ANK2: variants seen among roughly 807,000 people sequenced by gnomAD.
The protein encoded by ANK2 is ankyrin 2.
In ANK2, 83 loss-of-function variants were observed where a neutral mutation model predicts 360.5. The ratio of observed to expected loss-of-function variants is 0.23; its 90% CI spans 0.19 to 0.28. ANK2 has a LOEUF of 0.28. ANK2 is among the 10% of genes least tolerant of loss of function. The pLI, the probability that ANK2 is intolerant of heterozygous loss-of-function variation, is 1.00. For synonymous variants in ANK2, 1,740 were observed against 1,759.5 expected, an observed-to-expected ratio of 0.99 and a Z score of 0.28; for missense variants, 4,201 against 4,795.7, an observed-to-expected ratio of 0.88 and a Z score of 3.66.
At chr4:113,256,288 C>T (rs923125089) in intron 11 of ANK2, among the ~76,000 whole-genome samples, 10 of 151,914 alleles carry the variant, frequency 6.6e-5, no homozygotes, top group Admixed American at 2.0e-4. Flanking sequence ...AGTTAGAACA[C>T]GAGTATGAAA....
chr4:112,747,185 T>A, the ANK2 span, among the ~76,000 whole-genome samples: 1 of 152,204 alleles, frequency 6.6e-6, no homozygotes, highest in African/African-American at 2.4e-5. Flanking sequence ...CTGTGGGGAT[T>A]TTCAAAGTGG....
At chr4:113,098,223 C>A (rs1399900919) in intron 1 of ANK2, among the ~76,000 whole-genome samples, 1 of 151,388 alleles carries the variant, frequency 6.6e-6, no homozygotes, top group Non-Finnish European at 1.5e-5. Context: ...ACAGCAGATA[C>A]AAATGAAATT....
Position 113,356,896 on chromosome 4 carries a change from G to C in ANK2, c.8278G>C (p.Asp2760His). 1 of 1,614,068 alleles carries C rather than the reference G, an allele frequency of 6.2e-7. No individual in the cohort carries two copies. The change falls in exon 38 of 46, where the codon GAT (aspartate) becomes CAT (histidine). Residue 2760 changes from aspartate (D) to histidine (H), a missense_variant. Asp to His is a moderately conservative substitution (Grantham distance 81, BLOSUM62 -1). Around this residue, in one of 4 missense-constraint regions of ANK2, gnomAD observed 2,642 missense variants for 2,714.5 expected, o/e 0.97. Transcript: ENST00000357077. Reference sequence around the variant, plus strand: ...CACTGAGGCTGAAGACAGGTCTTATGATAAGCTAAACAGAGACACTGATCA... The same window carrying C: ...CACTGAGGCTGAAGACAGGTCTTATCATAAGCTAAACAGAGACACTGATCA... ...VSTEAEDRSY[D>H]KLNRDTDQPK...
chr4:112,840,901 TA>T (rs1229262865), intron 1 of ANK2, among the ~76,000 whole-genome samples: 16 of 152,220 alleles, frequency 1.1e-4, no homozygotes, highest in Admixed American at 1.0e-3. Flanking sequence ...CATCATCATT[TA>T]AAATGCAGAA....
intron 2 of ANK2, among the ~76,000 whole-genome samples, chr4:113,179,404 T>G (rs2098334920): frequency 6.6e-6 from 1 of 152,234 alleles, no homozygotes. Flanking sequence ...CAATGTTTTT[T>G]CTTTATAAAA....
chr4:112,840,184 C>T (rs1370219952), intron 1 of ANK2, among the ~76,000 whole-genome samples: 1 of 152,136 alleles, frequency 6.6e-6, no homozygotes, highest in East Asian at 1.9e-4. Flanking sequence ...AGATCAACTG[C>T]ATATTCAGCT....
chr4:113,242,517 T>C (rs2153575423), intron 9 of ANK2, among the ~76,000 whole-genome samples: 1 of 152,294 alleles, frequency 6.6e-6, no homozygotes, highest in East Asian at 1.9e-4. Context: ...TTTTGGGTAG[T>C]TATAAGTATC....
intron 1 of ANK2, among the ~76,000 whole-genome samples, chr4:112,886,504 A>C (rs1005333605): frequency 6.6e-6 from 1 of 152,102 alleles, no homozygotes; most frequent in Non-Finnish European, 1.5e-5. Context: ...TCTATTAAAA[A>C]TACAAAAATC....
intron 1 of ANK2, among the ~76,000 whole-genome samples, chr4:112,893,441 G>A (rs183888797): frequency 1.6e-4 from 25 of 152,230 alleles, no homozygotes; most frequent in African/African-American, 5.1e-4. Context: ...GGAATTACAG[G>A]TGTGAGCCAC....
the ANK2 span, among the ~76,000 whole-genome samples, chr4:112,782,021 G>T: frequency 3.3e-5 from 5 of 151,776 alleles, no homozygotes; most frequent in African/African-American, 1.2e-4. Context: ...GTAGAGACAG[G>T]GTTTCACCAT....
chr4:112,719,844 A>C, the ANK2 span, among the ~76,000 whole-genome samples: 2 of 152,266 alleles, frequency 1.3e-5, no homozygotes, highest in South Asian at 4.1e-4. Flanking sequence ...TTGCAACCTA[A>C]GATAGAAAGG....
At position 113,264,909 on chromosome 4, in the gene ANK2, G is replaced by T. The variant is rs1060501161; in HGVS notation, c.1399G>T (p.Ala467Ser). 4 of 1,564,110 alleles carry T rather than the reference G, an allele frequency of 2.6e-6. No homozygotes were observed. Among genetic ancestry groups the T allele is most frequent in the Non-Finnish European group, 3.5e-6 (4 of 1,153,334 alleles). ...PDVTNIRGET[A>S]LHMAARAGQV... ...TGTTCCCTGGCAGCGTGGTGAGACG[G>T]CACTACACATGGCAGCCCGAGCCGG... Residue 467 changes from alanine to serine, a missense_variant, in exon 14 of 46, where the codon GCA becomes TCA. Ala to Ser is a moderately conservative substitution (Grantham distance 99, BLOSUM62 1). Coordinates refer to ENST00000357077, the MANE Select transcript of ANK2 (RefSeq NM_001148.6).
rs1250256855 is a variant in ANK2, at chr4:113,381,624, A to C, written c.*153A>C. 5 of 1,556,670 alleles carry C rather than the reference A, an allele frequency of 3.2e-6. No homozygotes were observed. The highest frequency in any genetic ancestry group is 4.3e-6 in the Non-Finnish European group (5 of 1,149,890). ...CGGCATTTCTGCAAGGAGGACTTGAAGCAAGAGGCCAAGTGAGGGGCTGCC... is the reference window on the plus strand; with the variant it reads ...CGGCATTTCTGCAAGGAGGACTTGACGCAAGAGGCCAAGTGAGGGGCTGCC... On this transcript the variant is annotated 3_prime_UTR_variant, in exon 46 of 46. Coordinates refer to ENST00000357077, the MANE Select transcript of ANK2 (RefSeq NM_001148.6).
chr4:113,339,097 C>A, intron 31 of ANK2, 129 bp from the exon 32 acceptor site: 1 of 744,860 alleles, frequency 1.3e-6, no homozygotes, highest in Non-Finnish European at 2.3e-6. Flanking sequence ...AGATTTTAGT[C>A]ATTTTGTTTT....
intron 1 of ANK2, among the ~76,000 whole-genome samples, chr4:113,138,124 T>C (rs2096507231): frequency 6.6e-6 from 1 of 152,216 alleles, no homozygotes; most frequent in Non-Finnish European, 1.5e-5. Context: ...TCATAAATAA[T>C]TCTTTATACC....
At chr4:113,194,497 A>G (rs1312774840) in intron 2 of ANK2, among the ~76,000 whole-genome samples, 1 of 152,196 alleles carries the variant, frequency 6.6e-6, no homozygotes, top group Non-Finnish European at 1.5e-5. Context: ...CTGATTATGA[A>G]CAAAATGTTA....
chr4:113,232,105 A>T, intron 4 of ANK2, 56 bp from the exon 5 acceptor site: 1 of 1,243,758 alleles, frequency 8.0e-7, no homozygotes, highest in Non-Finnish European at 1.2e-6. Context: ...TTTACTTCCT[A>T]GTGTTCTCTC....
chr4:112,716,662 C>T, the ANK2 span, among the ~76,000 whole-genome samples: 1 of 152,142 alleles, frequency 6.6e-6, no homozygotes, highest in Non-Finnish European at 1.5e-5. Flanking sequence ...AACTCCTGGG[C>T]TCAAGTGATC....
chr4:113,381,302 C>A (rs1286797782), intron 45 of ANK2, among the ~76,000 whole-genome samples, 155 bp from the exon 46 acceptor site: 1 of 152,106 alleles, frequency 6.6e-6, no homozygotes, highest in African/African-American at 2.4e-5. Context: ...AAGAAAGACA[C>A]AAAAAGATGT....
Sources: gnomAD v4.1 joint callset for allele counts (sites outside exome capture counted in the v4.1 genomes callset) on GRCh38, gnomAD v4.1.1 for gene constraint, gnomAD v4.1.1 regional missense constraint, MANE v1.5 for transcripts, NCBI Gene and HGNC (gene_info 2026-07-23, HGNC 2026-07-21) for gene names.